The following CXADR variants were observed in gnomAD, a reference collection of about 807,000 sequenced individuals.
CXADR encodes coxsackievirus and adenovirus receptor.
A neutral mutation model predicts 40.3 loss-of-function variants in CXADR; 20 were observed. The ratio of observed to expected loss-of-function variants is 0.50; its 90% CI spans 0.35 to 0.72. The LOEUF (loss-of-function observed/expected upper bound fraction) is 0.72, where lower values mean the gene tolerates loss of function less well. Ranked by LOEUF, CXADR falls within the 30% of genes least tolerant of loss-of-function variation. The pLI is 0.01. For synonymous variants in CXADR, 150 were observed against 161.3 expected, an observed-to-expected ratio of 0.93 and a Z score of 0.53; for missense variants, 332 against 449.1, an observed-to-expected ratio of 0.74 and a Z score of 2.36.
intron 1 of CXADR, among the ~76,000 whole-genome samples, chr21:17,541,288 C>T (rs909771776): frequency 1.3e-5 from 2 of 152,118 alleles, no homozygotes; most frequent in Non-Finnish European, 2.9e-5. Flanking sequence ...CGCGGTGGCT[C>T]ACGCCTGTAA....
chr21:17,571,661 C>T (rs548028981), downstream of CXADR, among the ~76,000 whole-genome samples: 13 of 152,084 alleles, frequency 8.5e-5, no homozygotes, highest in East Asian at 9.7e-4. Flanking sequence ...GTTTTTCTGC[C>T]GGTATTTCCA....
the CXADR span, chr21:17,608,851 A>G: frequency 2.1e-6 from 2 of 955,912 alleles, no homozygotes; most frequent in East Asian, 2.6e-5. Flanking sequence ...CAAACACCCC[A>G]GAGTTCTATA....
At chr21:17,539,207 G>A (rs567756624) in intron 1 of CXADR, among the ~76,000 whole-genome samples, 1 of 152,274 alleles carries the variant, frequency 6.6e-6, no homozygotes, top group Admixed American at 6.5e-5. Context: ...GAAACAAACA[G>A]TTTGATCAAA....
chr21:17,593,719 A>G (rs573786795), downstream of CXADR: 9 of 173,728 alleles, frequency 5.2e-5, no homozygotes, highest in East Asian at 1.4e-3. Context: ...ACAACGACAT[A>G]AAATAGATTT....
In CXADR at chr21:17,566,249, G is replaced by C; in HGVS notation, c.*557G>C. 1 of 977,446 alleles carries C rather than the reference G, an allele frequency of 1.0e-6. No homozygotes were observed. Among genetic ancestry groups the C allele is most frequent in the Non-Finnish European group, 1.2e-6 (1 of 822,734 alleles). 60.5% of individuals were successfully genotyped at this position (977,446 alleles called of 1,614,324 possible). A position where few individuals can be genotyped will look rare whatever the true frequency, so the allele number is the denominator to read the frequency against. On this transcript the variant is annotated 3_prime_UTR_variant, in exon 7 of 7. Coordinates refer to ENST00000284878, the MANE Select transcript of CXADR (RefSeq NM_001338.5). ...TAAAAACATAGAAAACACTACAGTGGTTTAGAAATTACTAATTTTACTTCT... is the reference window on the plus strand; with the variant it reads ...TAAAAACATAGAAAACACTACAGTGCTTTAGAAATTACTAATTTTACTTCT...
At chr21:17,613,518 A>ACAG in the CXADR span, 9 of 152,384 alleles carry the variant, frequency 5.9e-5, no homozygotes, top group East Asian at 1.5e-3. Context: ...CTGGCCCCTC[A>ACAG]CAGCAGGGCC....
chr21:17,552,876 G>A (rs1042265836), intron 3 of CXADR, among the ~76,000 whole-genome samples: 1 of 151,958 alleles, frequency 6.6e-6, no homozygotes, highest in Non-Finnish European at 1.5e-5. Context: ...GATTAGGGGT[G>A]GGGTAGAATA....
chr21:17,575,471 A>G (rs954802718), intron 7 of CXADR, among the ~76,000 whole-genome samples: 5 of 147,516 alleles, frequency 3.4e-5, no homozygotes, highest in Non-Finnish European at 5.9e-5. Flanking sequence ...GTGAGCCACC[A>G]TGCCTGTCCT....
intron 7 of CXADR, among the ~76,000 whole-genome samples, chr21:17,585,708 C>T (rs941680841): frequency 3.3e-5 from 5 of 152,042 alleles, no homozygotes; most frequent in Admixed American, 3.3e-4. Context: ...TTAGTACAGA[C>T]GGGGTTTCAC....
the CXADR span, among the ~76,000 whole-genome samples, chr21:17,623,859 A>G: frequency 6.6e-6 from 1 of 152,094 alleles, no homozygotes. Context: ...CCTAATTTTC[A>G]ATTCTTTTTG....
chr21:17,532,681 G>A (rs569864054), intron 1 of CXADR, among the ~76,000 whole-genome samples: 5 of 152,092 alleles, frequency 3.3e-5, no homozygotes, highest in African/African-American at 1.2e-4. Context: ...CAAGACATAG[G>A]GTTATGTATC....
intron 7 of CXADR, among the ~76,000 whole-genome samples, chr21:17,586,909 C>T (rs2061401106): frequency 6.6e-6 from 1 of 152,160 alleles, no homozygotes; most frequent in East Asian, 1.9e-4. Context: ...CCACAACAGT[C>T]CCTGGTGTGT....
At chr21:17,595,261 C>T (rs1479797154), downstream of CXADR, among the ~76,000 whole-genome samples, 1 of 152,032 alleles carries the variant, frequency 6.6e-6, no homozygotes, top group African/African-American at 2.4e-5. Context: ...TCTTAAATTT[C>T]TGATTTTGCT....
downstream of CXADR, chr21:17,594,352 T>A: frequency 6.3e-7 from 1 of 1,599,234 alleles, no homozygotes; most frequent in South Asian, 1.1e-5. Context: ...AGAGAACACA[T>A]TAAGTTAATT....
At chr21:17,565,291 ACACACACACACAC>A in intron 6 of CXADR, 124 bp from the exon 7 acceptor site, 1 of 88,274 alleles carries the variant, frequency 1.1e-5, no homozygotes, top group South Asian at 1.9e-4. Context: ...TGACACACAC[ACACACACACACAC>A]ACACACACAC....
chr21:17,563,937 T>C, intron 6 of CXADR, among the ~76,000 whole-genome samples: 3 of 13,768 alleles, frequency 2.2e-4, no homozygotes, highest in Non-Finnish European at 3.5e-4. Context: ...CAAGACTCTG[T>C]CTCAAAAAAA....
chr21:17,553,138 GT>G (rs906444545), intron 3 of CXADR, among the ~76,000 whole-genome samples: 13 of 152,130 alleles, frequency 8.5e-5, no homozygotes, highest in African/African-American at 2.7e-4. Flanking sequence ...GGCCAGGCTG[GT>G]CTCAAACTCC....
In CXADR at chr21:17,551,754, T is replaced by C. The variant is rs777022269; in HGVS notation, c.216T>C (p.Ile72=). Residue 72 remains isoleucine, a synonymous_variant, in exon 3 of 7, where the codon ATT becomes ATC. Transcript: ENST00000284878. The stretch of plus-strand genomic sequence containing the variant: ...TAATTTTGGCTTTCTTTTAGATTAT[T>C]TTATATTCTGGAGACAAAATTTATG... ...ADNQKVDQVI[I]LYSGDKIYDD... The C allele has an allele frequency of 6.2e-6, 10 of 1,608,878 alleles. No homozygotes were observed. The East Asian group carries it at 2.0e-4, about 32-fold the overall frequency.
At chr21:17,593,941 A>G (rs1180102650), downstream of CXADR, 3 of 992,792 alleles carry the variant, frequency 3.0e-6, no homozygotes, top group African/African-American at 1.7e-5. Flanking sequence ...ATTTTTTAAG[A>G]AAGATTATTC....
Sources: allele counts gnomAD v4.1 joint callset (sites outside exome capture counted in the v4.1 genomes callset), GRCh38; gene constraint gnomAD v4.1.1; transcripts MANE v1.5; gene names NCBI Gene and HGNC (gene_info 2026-07-23, HGNC 2026-07-21).